Variants in TP53I13 observed in about 807,000 individuals in gnomAD.
TP53I13 encodes the protein tumor protein p53 inducible protein 13.
In TP53I13, 27 loss-of-function variants were observed where a neutral mutation model predicts 39.1. The ratio of observed to expected loss-of-function variants is 0.69; its 90% CI spans 0.51 to 0.95. The LOEUF is 0.95. Among genes scored for constraint, TP53I13 ranks in the 40% least tolerant of loss-of-function variants. The pLI is 0.00. For synonymous variants in TP53I13, 230 were observed against 224.6 expected, an observed-to-expected ratio of 1.02 and a Z score of -0.22; for missense variants, 544 against 520.4, an observed-to-expected ratio of 1.05 and a Z score of -0.44.
downstream of TP53I13, chr17:29,577,495 C>T: frequency 4.3e-6 from 3 of 699,858 alleles, no homozygotes; most frequent in Middle Eastern, 2.9e-4. Context: ...CAACAGCCTC[C>T]TGACCTTCCC....
chr17:29,582,227 G>A, the TP53I13 span: 8 of 1,050,270 alleles, frequency 7.6e-6, no homozygotes, highest in Admixed American at 1.2e-4. Flanking sequence ...GGCTGCCCCT[G>A]GGACACCTAG....
chr17:29,566,621 C>CA (rs2032718918), upstream of TP53I13: 1 of 1,608,064 alleles, frequency 6.2e-7, no homozygotes, highest in Non-Finnish European at 8.5e-7. Flanking sequence ...CCAGGCGCTA[C>CA]GGGCAGGACG....
chr17:29,577,711 C>G, downstream of TP53I13: 1 of 1,612,842 alleles, frequency 6.2e-7, no homozygotes, highest in Admixed American at 1.7e-5. Context: ...GCTCTGTCAC[C>G]AGAGTGCTGT....
downstream of TP53I13, chr17:29,574,921 G>A: frequency 6.4e-7 from 1 of 1,552,850 alleles, no homozygotes; most frequent in Non-Finnish European, 8.7e-7. Context: ...GCCTCTGGAG[G>A]GGGCAGGAGT....
At chr17:29,581,743 C>T in the TP53I13 span, 25 of 1,608,762 alleles carry the variant, frequency 1.6e-5, no homozygotes, top group South Asian at 4.4e-5. The surrounding 1 kb of genome is among the most constrained non-coding windows in gnomAD (Gnocchi z 4.8). Context: ...TCTGCTCACC[C>T]GGCTTGCGTC....
rs2032799538 is a variant in TP53I13 at position 29,568,722 on chromosome 17, G to A, written c.-37G>A. On this transcript the variant is annotated 5_prime_UTR_variant, in exon 1 of 7. Transcript: ENST00000301057. The surrounding 1 kb of genome is among the most constrained non-coding windows in gnomAD (Gnocchi z 4.5). Reference sequence around the variant, plus strand: ...GCGCGCGCGCTCCCTCGCTGGCGGAGCGGCTGGGCGGCGGGCCGGGCCCGG... The same window carrying A: ...GCGCGCGCGCTCCCTCGCTGGCGGAACGGCTGGGCGGCGGGCCGGGCCCGG... 3.6e-6 allele frequency: 5 copies of A among 1,382,046 alleles called. No homozygotes were observed. The Middle Eastern group carries it at 7.5e-4, about 206-fold the overall frequency. 85.6% of individuals were successfully genotyped at this position (1,382,046 alleles called of 1,614,324 possible).
In TP53I13 at chr17:29,571,933, TGAG is replaced by T. The variant is rs758146219; in HGVS notation, c.394_396del (p.Arg135del). The T allele has an allele frequency of 5.6e-6, 9 of 1,612,782 alleles. No individual in the cohort carries two copies. The highest frequency in any genetic ancestry group is 2.2e-5 in the East Asian group (1 of 44,878). On this transcript the variant is annotated inframe_deletion, in exon 5 of 7. Transcript: ENST00000301057. ...CCAGCCTGGGCTGCCCACTGGCTGA[TGAG>T]GAGGCGGAGGAGGAAGCAGAGGAAG...
chr17:29,569,500 C>T lies in TP53I13; in HGVS notation c.183+141C>T, dbSNP rs559629339. 1.2e-4 allele frequency: 91 copies of T among 769,192 alleles called. 1 individual carries two copies. In the African/African-American group the frequency reaches 1.5e-3, roughly 13 times the overall value. 47.6% of individuals were successfully genotyped at this position (769,192 alleles called of 1,614,324 possible). Reference sequence around the variant, plus strand: ...CAGAGGCAGGGTTCTAGTTCTCTGCCCCACCTCCAAGCCCAGGACAGATCA... The same window carrying T: ...CAGAGGCAGGGTTCTAGTTCTCTGCTCCACCTCCAAGCCCAGGACAGATCA... On this transcript the variant is annotated intron_variant, in intron 3 of 6. Transcript: ENST00000301057.
At chr17:29,569,871 C>G (rs1479445194) in intron 3 of TP53I13, 1 of 152,408 alleles carries the variant, frequency 6.6e-6, no homozygotes, top group Non-Finnish European at 1.5e-5. Flanking sequence ...TGCGTGGTAG[C>G]ATCTCCATCT....
rs184757171 is a variant in TP53I13 at position 29,570,125 on chromosome 17, T to C, written c.183+766T>C. 5.3e-4 allele frequency among the ~76,000 whole-genome samples: 79 copies of C among 148,222 alleles called. 1 individual carries two copies. In the East Asian group the frequency reaches 0.014, roughly 27 times the overall value. On this transcript the variant is annotated intron_variant, in intron 3 of 6. Coordinates refer to ENST00000301057, the MANE Select transcript of TP53I13 (RefSeq NM_138349.4). ...TTTCACCATGTTGCCCACGCTGGTCTTGAGCTCCTGACCTCAAGTGATCTG... is the reference window on the plus strand; with the variant it reads ...TTTCACCATGTTGCCCACGCTGGTCCTGAGCTCCTGACCTCAAGTGATCTG...
At chr17:29,566,542 C>G, upstream of TP53I13, 1 of 1,610,308 alleles carries the variant, frequency 6.2e-7, no homozygotes, top group Non-Finnish European at 8.5e-7. Context: ...AACACAAGGT[C>G]CTACCACCCA....
downstream of TP53I13, chr17:29,576,146 A>G (rs758941096): frequency 6.2e-7 from 1 of 1,613,506 alleles, no homozygotes; most frequent in Non-Finnish European, 8.5e-7. Flanking sequence ...GGATGTTAGC[A>G]CAGCGAGCGT....
chr17:29,572,996 C>CCG lies in TP53I13; in HGVS notation c.*79_*80dup. 1 of 1,235,112 alleles carries CCG rather than the reference C, an allele frequency of 8.1e-7. No individual in the cohort carries two copies. Among genetic ancestry groups the CCG allele is most frequent in the Non-Finnish European group, 1.0e-6 (1 of 958,740 alleles). 76.5% of individuals were successfully genotyped at this position (1,235,112 alleles called of 1,614,324 possible). A position where few individuals can be genotyped will look rare whatever the true frequency, so the allele number is the denominator to read the frequency against. ...GAGGCCGCGACCTCTGCCACGTGGA[C>CCG]CGCGCGCGGGGCGCTCCCTGGTGGC... is the stretch of plus-strand genomic sequence containing the variant. On this transcript the variant is annotated 3_prime_UTR_variant, in exon 7 of 7. Coordinates refer to ENST00000301057, the MANE Select transcript of TP53I13 (RefSeq NM_138349.4).
In TP53I13 at chr17:29,568,970, A is replaced by C; in HGVS notation, c.73-48A>C. On this transcript the variant is annotated intron_variant, in intron 1 of 6. Transcript: ENST00000301057. This position sits in a 1 kb window ranked among gnomAD's most constrained non-coding sequence, Gnocchi z 4.5. Reference sequence around the variant, plus strand: ...GGCTGGGCCTGGGGAGAGAGAGGGCAGGGCCTCGCCGCGTCCAGCGCCCCA... The same window carrying C: ...GGCTGGGCCTGGGGAGAGAGAGGGCCGGGCCTCGCCGCGTCCAGCGCCCCA... 6.3e-7 allele frequency: 1 copy of C among 1,590,858 alleles called. No homozygotes were observed.
the TP53I13 span, chr17:29,581,553 C>T: frequency 2.8e-6 from 2 of 702,274 alleles, no homozygotes; most frequent in Admixed American, 2.1e-5. The surrounding 1 kb of genome is among the most constrained non-coding windows in gnomAD (Gnocchi z 4.8). Flanking sequence ...AGGATGCCCA[C>T]CCCCACTCCC....
chr17:29,575,733 G>T, downstream of TP53I13: 1 of 1,610,912 alleles, frequency 6.2e-7, no homozygotes. This position sits in a 1 kb window ranked among gnomAD's most constrained non-coding sequence, Gnocchi z 5.5. Flanking sequence ...GGCTGTGAGC[G>T]CCGTGTTCCT....
chr17:29,571,512 T>A (rs1891866664), intron 3 of TP53I13, 79 bp from the exon 4 acceptor site: 1 of 1,588,190 alleles, frequency 6.3e-7, no homozygotes, highest in African/African-American at 1.3e-5. Flanking sequence ...ACCTTTAAAC[T>A]GGTCCCCTGG....
upstream of TP53I13, chr17:29,568,453 C>G (rs1303937111): frequency 2.0e-5 from 3 of 152,664 alleles, no homozygotes; most frequent in African/African-American, 4.8e-5. This position sits in a 1 kb window ranked among gnomAD's most constrained non-coding sequence, Gnocchi z 4.5. Context: ...GAGACGAATC[C>G]CCGGACGAGG....
At chr17:29,566,371 C>A, upstream of TP53I13, 1 of 1,610,802 alleles carries the variant, frequency 6.2e-7, no homozygotes, top group Non-Finnish European at 8.5e-7. Flanking sequence ...GACCAGTGGG[C>A]AACCGTGGTG....
Sources: allele counts gnomAD v4.1 joint callset (sites outside exome capture counted in the v4.1 genomes callset), GRCh38; gene constraint gnomAD v4.1.1; non-coding constraint Gnocchi (gnomAD v3.1); transcripts MANE v1.5; gene names NCBI Gene and HGNC (gene_info 2026-07-23, HGNC 2026-07-21).